The following NRXN1 variants were observed in gnomAD, a reference collection of about 807,000 sequenced individuals.
NRXN1 encodes neurexin 1, also known as neurexin-1.
NRXN1 carries 39 observed loss-of-function variants against 150.9 expected under a neutral mutation model. The observed-to-expected ratio is 0.26, with a 90% CI of 0.20 to 0.34. NRXN1 has a LOEUF of 0.34. Among genes scored for constraint, NRXN1 ranks in the 10% least tolerant of loss-of-function variants. The probability of loss-of-function intolerance (pLI) is 1.00; values close to 1 mark genes in which losing one functional copy is unlikely to be tolerated. For missense variants in NRXN1, 1,815 were observed against 1,949.9 expected, an observed-to-expected ratio of 0.93 and a Z score of 1.30; for synonymous variants, 924 against 757.0, an observed-to-expected ratio of 1.22 and a Z score of -3.62.
At chr2:50,965,560 C>A (rs1051751678) in intron 2 of NRXN1, among the ~76,000 whole-genome samples, 1 of 151,456 alleles carries the variant, frequency 6.6e-6, no homozygotes, top group South Asian at 2.1e-4. Flanking sequence ...GAATAATTAT[C>A]TAATGGCCCA....
chr2:50,100,216 T>C (rs145564084), intron 18 of NRXN1, among the ~76,000 whole-genome samples: 2 of 152,168 alleles, frequency 1.3e-5, no homozygotes, highest in Non-Finnish European at 2.9e-5. Flanking sequence ...TTGTGAACCA[T>C]GTATGTTTCT....
rs145779509 is a variant in NRXN1, at chr2:50,036,728, C to T, written c.4128+16543G>A. Among the ~76,000 whole-genome samples the T allele has an allele frequency of 1.2e-4, 19 of 152,192 alleles. No homozygotes were observed. The East Asian group carries it at 1.7e-3, about 14-fold the overall frequency. On this transcript the variant is annotated intron_variant, in intron 21 of 22. Coordinates refer to ENST00000401669, the MANE Select transcript of NRXN1 (RefSeq NM_001330078.2). ...AATCGGTGTGGCAAAAGCAATGTAA[C>T]GTGAGTTCTGTACCTGAGCCTCAAG...
chr2:50,915,355 C>G (rs1685068691), intron 5 of NRXN1, among the ~76,000 whole-genome samples: 1 of 151,480 alleles, frequency 6.6e-6, no homozygotes, highest in African/African-American at 2.4e-5. Context: ...TCATTGGTAC[C>G]TCCAGTCCAT....
intron 17 of NRXN1, among the ~76,000 whole-genome samples, chr2:50,238,682 A>T (rs962628769): frequency 1.3e-5 from 2 of 151,990 alleles, no homozygotes; most frequent in African/African-American, 4.8e-5. Flanking sequence ...TAAACAGCTG[A>T]CAATATTGAT....
In NRXN1 at chr2:50,581,679, G is replaced by A. The variant is rs142293006; in HGVS notation, c.1321-28654C>T. On this transcript the variant is annotated intron_variant, in intron 8 of 22. Coordinates refer to ENST00000401669, the MANE Select transcript of NRXN1 (RefSeq NM_001330078.2). Reference sequence around the variant, plus strand: ...GAGAAAGAATGTCATGATGATGACAGAATGGTACTAGCAAGAGTCTTTGGA... The same window carrying A: ...GAGAAAGAATGTCATGATGATGACAAAATGGTACTAGCAAGAGTCTTTGGA... Among the ~76,000 whole-genome samples the A allele has an allele frequency of 2.2e-3, 332 of 152,320 alleles. 1 individual carries two copies. The highest frequency in any genetic ancestry group is 7.7e-3 in the African/African-American group (322 of 41,576).
chr2:50,885,820 AACACACAC>A (rs57614861), intron 5 of NRXN1, among the ~76,000 whole-genome samples: 8 of 143,746 alleles, frequency 5.6e-5, no homozygotes, highest in South Asian at 2.2e-4. Context: ...TATTTCTATA[AACACACAC>A]ACACACACAC....
In NRXN1 at chr2:50,232,455, C is replaced by T. The variant is rs527286341; in HGVS notation, c.3546+4334G>A. On this transcript the variant is annotated intron_variant, in intron 18 of 22. Transcript: ENST00000401669. Reference sequence around the variant, plus strand: ...AGGCTGGAGTACAGTGGCACGATCTCGGCTCACTGCAACCTCCACCTTCTG... The same window carrying T: ...AGGCTGGAGTACAGTGGCACGATCTTGGCTCACTGCAACCTCCACCTTCTG... Among the ~76,000 whole-genome samples the T allele has an allele frequency of 2.8e-3, 392 of 141,974 alleles. 1 individual carries two copies. Among genetic ancestry groups the T allele is most frequent in the African/African-American group, 9.6e-3 (364 of 37,908 alleles). The allele number at this position is 141,974 out of a possible 152,430, so 93.1% of individuals were successfully genotyped here.
rs796052776 is a variant in NRXN1 at position 50,497,648 on chromosome 2, C to T, written c.2564G>A (p.Arg855Gln). Residue 855 changes from arginine to glutamine, a missense_variant, in exon 14 of 23, where the codon CGA becomes CAA. Transcript: ENST00000401669. ...GGAGGGGACAGAAGAAAGATACCGTCGTTCTGTGATGATGCCAGTCTCTAT... is the reference window on the plus strand; with the variant it reads ...GGAGGGGACAGAAGAAAGATACCGTTGTTCTGTGATGATGCCAGTCTCTAT... ...HNIETGIITERRYLSSVPSNF... is the reference protein window; with the variant it reads ...HNIETGIITEQRYLSSVPSNF... 1.9e-6 allele frequency: 3 copies of T among 1,613,780 alleles called. No individual in the cohort carries two copies. The highest frequency in any genetic ancestry group is 1.6e-4 in the Middle Eastern group (1 of 6,062).
intron 8 of NRXN1, among the ~76,000 whole-genome samples, chr2:50,564,026 T>A (rs1669499916): frequency 6.6e-6 from 1 of 152,232 alleles, no homozygotes; most frequent in Admixed American, 6.5e-5. Flanking sequence ...TATAAGTTTG[T>A]TCTGTAATTT....
chr2:51,027,822 C>G lies in NRXN1; in HGVS notation c.452G>C (p.Ser151Thr), dbSNP rs760382889. 3 of 1,613,462 alleles carry G rather than the reference C, an allele frequency of 1.9e-6. No homozygotes were observed. The South Asian group carries it at 3.3e-5, about 18-fold the overall frequency. Reference protein sequence around the residue: ...KSKRRDMTVFSGLFVGGLPPE... With the variant: ...KSKRRDMTVFTGLFVGGLPPE... ...GGGCAGCCCCCCGACGAAAAGGCCGCTGAACACCGTCATGTCCCTGCGCTT... is the reference window on the plus strand; with the variant it reads ...GGGCAGCCCCCCGACGAAAAGGCCGGTGAACACCGTCATGTCCCTGCGCTT... The change falls in exon 2 of 23, where the codon AGC (serine) becomes ACC (threonine). Residue 151 changes from serine (S) to threonine (T), a missense_variant. Ser to Thr is a moderately conservative substitution (Grantham distance 58). Coordinates refer to ENST00000401669, the MANE Select transcript of NRXN1 (RefSeq NM_001330078.2).
chr2:50,858,861 G>A (rs1675662576), intron 5 of NRXN1, among the ~76,000 whole-genome samples: 1 of 151,976 alleles, frequency 6.6e-6, no homozygotes, highest in South Asian at 2.1e-4. Context: ...TATTTGCCTA[G>A]GGGCCCAGAA....
intron 19 of NRXN1, among the ~76,000 whole-genome samples, chr2:50,077,566 A>C (rs1002632988): frequency 4.6e-5 from 7 of 152,128 alleles, no homozygotes; most frequent in Non-Finnish European, 1.0e-4. Flanking sequence ...AAAAATAATA[A>C]ATGAGACAAC....
intron 5 of NRXN1, among the ~76,000 whole-genome samples, chr2:50,796,705 C>T (rs749661862): frequency 2.2e-4 from 33 of 152,252 alleles, no homozygotes; most frequent in Non-Finnish European, 3.5e-4. Context: ...CCCAAAGTCC[C>T]GGCTCCCTCA....
chr2:50,906,108 A>G (rs1229162815), intron 5 of NRXN1, among the ~76,000 whole-genome samples: 1 of 152,080 alleles, frequency 6.6e-6, no homozygotes, highest in Non-Finnish European at 1.5e-5. Context: ...CACTAAGGTT[A>G]TCCCTACTGG....
In NRXN1 at chr2:50,689,854, T is replaced by TTGTGTGTGTG. The variant is rs796892350; in HGVS notation, c.833-66249_833-66240dup. Among the ~76,000 whole-genome samples the TTGTGTGTGTG allele has an allele frequency of 1.2e-3, 168 of 135,340 alleles. 1 individual carries two copies. Among genetic ancestry groups the TTGTGTGTGTG allele is most frequent in the East Asian group, 3.3e-3 (15 of 4,496 alleles). 88.8% of individuals were successfully genotyped at this position (135,340 alleles called of 152,430 possible). ...CATCAGCTTGTTTTTTTTTGCTTAT[T>TTGTGTGTGTG]TGTGTGTGTGTGTGTGTGTGTGTGT... is the stretch of plus-strand genomic sequence containing the variant. On this transcript the variant is annotated intron_variant, in intron 5 of 22. Coordinates refer to ENST00000401669, the MANE Select transcript of NRXN1 (RefSeq NM_001330078.2).
At chr2:50,211,833 A>C (rs1381804202) in intron 18 of NRXN1, among the ~76,000 whole-genome samples, 1 of 132,746 alleles carries the variant, frequency 7.5e-6, no homozygotes, top group African/African-American at 2.6e-5. Context: ...ATTTTGCCTC[A>C]TCAAGAAGAA....
rs1238777963 is a variant in NRXN1 at position 51,027,715 on chromosome 2, C to T, written c.559G>A (p.Val187Met). The T allele has an allele frequency of 6.2e-7, 1 of 1,609,356 alleles. No homozygotes were observed. Among genetic ancestry groups the T allele is most frequent in the Non-Finnish European group, 8.5e-7 (1 of 1,177,572 alleles). The stretch of plus-strand genomic sequence containing the variant: ...AGGACCTGCGAGGAGTTGACCCTCA[C>T]GTCACGAATCCACCCCTTGAAGGGC... ...REPFKGWIRD[V>M]RVNSSQVLPV... Residue 187 changes from valine (V) to methionine (M), a missense_variant, in exon 2 of 23, where the codon GTG becomes ATG. Coordinates refer to ENST00000401669, the MANE Select transcript of NRXN1 (RefSeq NM_001330078.2).
intron 2 of NRXN1, among the ~76,000 whole-genome samples, chr2:50,962,390 A>G (rs1044852384): frequency 2.1e-4 from 32 of 151,854 alleles, no homozygotes; most frequent in African/African-American, 7.2e-4. Context: ...AATGCTTTAA[A>G]ACATCAGAAC....
At chr2:50,258,718 C>T (rs564095027) in intron 17 of NRXN1, among the ~76,000 whole-genome samples, 11 of 152,090 alleles carry the variant, frequency 7.2e-5, no homozygotes, top group African/African-American at 2.6e-4. Context: ...GAATCACTAT[C>T]TATGGCAGTT....
Sources: gnomAD v4.1 joint callset for allele counts (sites outside exome capture counted in the v4.1 genomes callset) on GRCh38, gnomAD v4.1.1 for gene constraint, MANE v1.5 for transcripts, NCBI Gene and HGNC (gene_info 2026-07-23, HGNC 2026-07-21) for gene names.